SOX6: variants seen among roughly 807,000 people sequenced by gnomAD.
The protein encoded by SOX6 is SRY-box transcription factor 6.
A neutral mutation model predicts 97.8 loss-of-function variants in SOX6; 11 were observed. That is an observed-to-expected ratio of 0.11 (90% confidence interval 0.07 to 0.19). SOX6 has a LOEUF of 0.19. Among genes scored for constraint, SOX6 ranks in the 10% least tolerant of loss-of-function variants. SOX6 has a pLI of 1.00. For missense variants in SOX6, 810 were observed against 1,039.5 expected (o/e 0.78, Z 3.04); for synonymous variants, 360 against 371.4 (o/e 0.97, Z 0.35).
chr11:16,246,887 G>C (rs1853351203), intron 3 of SOX6, among the ~76,000 whole-genome samples: 1 of 152,088 alleles, frequency 6.6e-6, no homozygotes, highest in African/African-American at 2.4e-5. Context: ...ATCACCTTAA[G>C]TATTTGCCAT....
intron 1 of SOX6, among the ~76,000 whole-genome samples, chr11:16,449,404 T>C (rs922874673): frequency 6.9e-6 from 1 of 145,628 alleles, no homozygotes; most frequent in African/African-American, 2.5e-5. Context: ...GCCATTCTCC[T>C]GCCTCCGCCT....
intron 4 of SOX6, among the ~76,000 whole-genome samples, chr11:16,598,597 T>C (rs1160714658): frequency 6.6e-6 from 1 of 151,734 alleles, no homozygotes; most frequent in African/African-American, 2.4e-5. Flanking sequence ...GACCTATTTG[T>C]AAAGTATAAA....
intron 4 of SOX6, among the ~76,000 whole-genome samples, chr11:16,562,857 A>G (rs1394296288): frequency 6.6e-6 from 1 of 152,202 alleles, no homozygotes; most frequent in Non-Finnish European, 1.5e-5. Flanking sequence ...ATCCAGCACT[A>G]CAAGAAGCCC....
intron 3 of SOX6, among the ~76,000 whole-genome samples, chr11:16,663,652 G>A (rs1847783337): frequency 6.6e-6 from 1 of 152,046 alleles, no homozygotes; most frequent in African/African-American, 2.4e-5. Flanking sequence ...CCAATCATGA[G>A]AATTAAAAAG....
intron 9 of SOX6, among the ~76,000 whole-genome samples, chr11:16,086,611 G>A (rs1848583110): frequency 6.6e-6 from 1 of 152,084 alleles, no homozygotes; most frequent in Non-Finnish European, 1.5e-5. Flanking sequence ...GATGGGCAAG[G>A]ATAGAGCTCC....
chr11:16,013,891 G>A (rs1171578636), intron 13 of SOX6, among the ~76,000 whole-genome samples: 2 of 152,006 alleles, frequency 1.3e-5, no homozygotes, highest in Non-Finnish European at 2.9e-5. Flanking sequence ...ATGCTGCTAT[G>A]AAGTGTCTTC....
At chr11:16,484,506 C>CCA in intron 4 of SOX6, 1 of 805,708 alleles carries the variant, frequency 1.2e-6, no homozygotes, top group Non-Finnish European at 2.3e-6. Flanking sequence ...ATGGCCACCT[C>CCA]CACCTCATTC....
chr11:16,653,552 A>G (rs1355007626), intron 3 of SOX6, among the ~76,000 whole-genome samples: 2 of 152,210 alleles, frequency 1.3e-5, no homozygotes, highest in African/African-American at 4.8e-5. Context: ...GTTTTCACTC[A>G]TAAGTGGGAA....
At chr11:16,409,289 C>CA (rs60016649) in intron 1 of SOX6, among the ~76,000 whole-genome samples, 9,016 of 143,162 alleles carry the variant, frequency 0.063, 841 homozygotes, top group African/African-American at 0.21. Context: ...AACCCCCCTC[C>CA]AAAAAAAAAA....
At chr11:16,033,819 C>T (rs943312207) in intron 12 of SOX6, among the ~76,000 whole-genome samples, 3 of 151,970 alleles carry the variant, frequency 2.0e-5, no homozygotes, top group African/African-American at 7.3e-5. Flanking sequence ...TTGTGGTGAG[C>T]CGAGATCGTG....
chr11:16,139,954 TA>T (rs200257868), intron 6 of SOX6, among the ~76,000 whole-genome samples: 3,514 of 145,250 alleles, frequency 0.024, 135 homozygotes, highest in African/African-American at 0.083. Context: ...TCATATATTA[TA>T]TATATATATA....
chr11:16,108,222 C>T (rs908673869), intron 7 of SOX6, among the ~76,000 whole-genome samples: 2 of 151,980 alleles, frequency 1.3e-5, no homozygotes, highest in African/African-American at 4.8e-5. Context: ...CATATATTAT[C>T]ATATCATAAC....
intron 4 of SOX6, among the ~76,000 whole-genome samples, chr11:16,538,100 G>A (rs928953367): frequency 6.6e-6 from 1 of 152,090 alleles, no homozygotes; most frequent in East Asian, 1.9e-4. Flanking sequence ...CCCACAAAGG[G>A]AAGCCCATAA....
intron 3 of SOX6, among the ~76,000 whole-genome samples, chr11:16,630,799 A>G (rs560023424): frequency 6.6e-6 from 1 of 152,176 alleles, no homozygotes; most frequent in Non-Finnish European, 1.5e-5. Context: ...AGGACAGTTA[A>G]GTCTTCTTGT....
chr11:16,643,610 A>G (rs1848961128), intron 3 of SOX6, among the ~76,000 whole-genome samples: 1 of 152,162 alleles, frequency 6.6e-6, no homozygotes, highest in South Asian at 2.1e-4. Context: ...AGCCTCAGCA[A>G]TGGCAGGCAC....
At chr11:16,263,642 A>C (rs769636076) in intron 3 of SOX6, among the ~76,000 whole-genome samples, 1 of 151,994 alleles carries the variant, frequency 6.6e-6, no homozygotes, top group African/African-American at 2.4e-5. Flanking sequence ...TCCAGGTCTA[A>C]GTAACATAAT....
At position 16,565,615 on chromosome 11, in the gene SOX6, G is replaced by GTAAAAAA. The variant is rs1565181924; in HGVS notation, n.609+46465_609+46466insTTTTTTA. Among the ~76,000 whole-genome samples, 15 of 147,668 alleles carry GTAAAAAA rather than the reference G, an allele frequency of 1.0e-4. 6 individuals are homozygous for GTAAAAAA. Among genetic ancestry groups the GTAAAAAA allele is most frequent in the Admixed American group, 1.4e-4 (2 of 14,418 alleles). On this transcript the variant is annotated intron_variant and non_coding_transcript_variant, in intron 4 of 5. Coordinates refer to the SOX6 transcript ENST00000524520. Reference sequence around the variant, plus strand: ...CTTGACAGACAAAAATAATTTTAAAGCATGGCACATGTATACATATGTAAC... The same window carrying GTAAAAAA: ...CTTGACAGACAAAAATAATTTTAAAGTAAAAAACATGGCACATGTATACATATGTAAC...
intron 3 of SOX6, among the ~76,000 whole-genome samples, chr11:16,710,354 A>G (rs1848169007): frequency 6.6e-6 from 1 of 152,238 alleles, no homozygotes; most frequent in Admixed American, 6.5e-5. Flanking sequence ...CCTTTTGAGA[A>G]GGTGAGAAAA....
intron 3 of SOX6, among the ~76,000 whole-genome samples, chr11:16,269,224 C>T (rs2134226394): frequency 6.8e-6 from 1 of 148,018 alleles, no homozygotes; most frequent in Non-Finnish European, 1.5e-5. Context: ...ATATACTAAA[C>T]TTCCACACAT....
Sources: allele counts gnomAD v4.1 joint callset (sites outside exome capture counted in the v4.1 genomes callset), GRCh38; gene constraint gnomAD v4.1.1; transcripts MANE v1.5; gene names NCBI Gene and HGNC (gene_info 2026-07-23, HGNC 2026-07-21).